Variants in MAN1A1 observed in about 807,000 individuals in gnomAD.
MAN1A1 encodes mannosyl-oligosaccharide 1,2-alpha-mannosidase IA.
MAN1A1 carries 29 observed loss-of-function variants against 70.8 expected under a neutral mutation model. The observed-to-expected ratio is 0.41, with a 90% CI of 0.31 to 0.56. The LOEUF is 0.56. MAN1A1 is among the 20% of genes least tolerant of loss of function. The pLI is 0.29. For synonymous variants in MAN1A1, 349 were observed against 330.1 expected (o/e 1.06, Z -0.62); for missense variants, 747 against 841.3 (o/e 0.89, Z 1.39).
intron 6 of MAN1A1, among the ~76,000 whole-genome samples, chr6:119,213,756 T>G (rs904845834): frequency 3.3e-5 from 5 of 152,200 alleles, no homozygotes; most frequent in African/African-American, 1.2e-4. Flanking sequence ...GCATTTGTAA[T>G]AAGGCAGCGA....
intron 2 of MAN1A1, among the ~76,000 whole-genome samples, chr6:119,334,399 G>C (rs1219347392): frequency 6.6e-6 from 1 of 152,156 alleles, no homozygotes; most frequent in East Asian, 1.9e-4. Context: ...TTATATCATA[G>C]ATTAAAAGCT....
Position 119,323,496 on chromosome 6 carries a change from A to G in MAN1A1, c.604-16504T>C, listed in dbSNP as rs553298684. Reference sequence around the variant, plus strand: ...ATTTTTAGCACTTAGTTGATGCCCAACATATCAGTGTTCTGCTTAATCTTA... The same window carrying G: ...ATTTTTAGCACTTAGTTGATGCCCAGCATATCAGTGTTCTGCTTAATCTTA... On this transcript the variant is annotated intron_variant, in intron 2 of 12. Transcript: ENST00000368468. 3.3e-5 allele frequency among the ~76,000 whole-genome samples: 5 copies of G among 152,180 alleles called. No homozygotes were observed. The South Asian group carries it at 1.0e-3, about 32-fold the overall frequency.
At chr6:119,296,296 G>C (rs977806987) in intron 4 of MAN1A1, among the ~76,000 whole-genome samples, 1 of 152,086 alleles carries the variant, frequency 6.6e-6, no homozygotes, top group African/African-American at 2.4e-5. Context: ...TACCATGCAG[G>C]TCCAGAGGCT....
chr6:119,197,859 T>A (rs938704108), intron 8 of MAN1A1, among the ~76,000 whole-genome samples: 2 of 152,130 alleles, frequency 1.3e-5, no homozygotes, highest in Admixed American at 6.5e-5. Context: ...AAGGGCTCTT[T>A]GTACTAGGAA....
At chr6:119,282,152 T>C (rs945112254) in intron 5 of MAN1A1, among the ~76,000 whole-genome samples, 1 of 152,154 alleles carries the variant, frequency 6.6e-6, no homozygotes, top group African/African-American at 2.4e-5. Context: ...CACTTGGCAA[T>C]GAGATCAAGG....
chr6:119,326,395 C>T (rs1413903175), intron 2 of MAN1A1, among the ~76,000 whole-genome samples: 1 of 152,204 alleles, frequency 6.6e-6, no homozygotes, highest in African/African-American at 2.4e-5. Flanking sequence ...CTTTTACAGA[C>T]AATAGTGGTC....
At chr6:119,232,956 G>T (rs775121538) in intron 6 of MAN1A1, among the ~76,000 whole-genome samples, 1 of 151,918 alleles carries the variant, frequency 6.6e-6, no homozygotes, top group Admixed American at 6.6e-5. Flanking sequence ...AATTCTTAAG[G>T]ATTATTCTAT....
rs1773348143 is a variant in MAN1A1, at chr6:119,188,339, TGG to T, written c.1719+64_1719+65del. The T allele has an allele frequency of 3.6e-6, 5 of 1,401,002 alleles. No homozygotes were observed. The Admixed American group carries it at 9.1e-5, about 25-fold the overall frequency. 86.8% of individuals were successfully genotyped at this position (1,401,002 alleles called of 1,614,324 possible). A position where few individuals can be genotyped will look rare whatever the true frequency, so the allele number is the denominator to read the frequency against. On this transcript the variant is annotated intron_variant, in intron 11 of 12. Coordinates refer to ENST00000368468, the MANE Select transcript of MAN1A1 (RefSeq NM_005907.4). Reference sequence around the variant, plus strand: ...TAGAAAAGTTGATAAGCCTGATTTATGGGTATCACTGAACATTTTTTACTATG... The same window carrying T: ...TAGAAAAGTTGATAAGCCTGATTTATGTATCACTGAACATTTTTTACTATG...
intron 2 of MAN1A1, among the ~76,000 whole-genome samples, chr6:119,318,485 C>T (rs1172629967): frequency 1.3e-5 from 2 of 152,162 alleles, no homozygotes; most frequent in East Asian, 1.9e-4. Flanking sequence ...GGAAACTTGG[C>T]TTCCAAATAA....
At chr6:119,343,305 G>A (rs774919244) in intron 2 of MAN1A1, among the ~76,000 whole-genome samples, 1 of 152,078 alleles carries the variant, frequency 6.6e-6, no homozygotes. Context: ...GAGACAATGC[G>A]CAACACTCAC....
Position 119,308,523 on chromosome 6 carries a change from G to C in MAN1A1, c.604-1531C>G, listed in dbSNP as rs1189294243. Among the ~76,000 whole-genome samples the C allele has an allele frequency of 2.0e-5, 3 of 152,134 alleles. No homozygotes were observed. In the East Asian group the frequency reaches 5.8e-4, roughly 29 times the overall value. On this transcript the variant is annotated intron_variant, in intron 2 of 12. Transcript: ENST00000368468. ...TTTTGTGACTCTTATCTGAAAATTTGGGATAATTCCTTACAGGATGCATGT... is the reference window on the plus strand; with the variant it reads ...TTTTGTGACTCTTATCTGAAAATTTCGGATAATTCCTTACAGGATGCATGT...
At chr6:119,243,955 A>G (rs557089796) in intron 6 of MAN1A1, among the ~76,000 whole-genome samples, 1 of 152,190 alleles carries the variant, frequency 6.6e-6, no homozygotes, top group East Asian at 1.9e-4. Flanking sequence ...CGTCAGAAAA[A>G]TCCATACAGA....
chr6:119,235,242 GT>G (rs1774809613), intron 6 of MAN1A1, among the ~76,000 whole-genome samples: 1 of 152,176 alleles, frequency 6.6e-6, no homozygotes, highest in South Asian at 2.1e-4. Flanking sequence ...AAATGATTAA[GT>G]TTAGTGAGGA....
chr6:119,220,510 TC>T (rs1774330988), intron 6 of MAN1A1, among the ~76,000 whole-genome samples: 2 of 152,164 alleles, frequency 1.3e-5, no homozygotes, highest in Admixed American at 1.3e-4. Flanking sequence ...TTATTGGTAA[TC>T]CACATTAAAA....
At chr6:119,209,091 A>C (rs79107330) in intron 6 of MAN1A1, among the ~76,000 whole-genome samples, 2,690 of 13,174 alleles carry the variant, frequency 0.2, 66 homozygotes, top group African/African-American at 0.32. Flanking sequence ...ACCCCGTCTC[A>C]AAAAAAAAAA....
At chr6:119,309,600 G>A (rs920746860) in intron 2 of MAN1A1, among the ~76,000 whole-genome samples, 8 of 152,034 alleles carry the variant, frequency 5.3e-5, no homozygotes, top group African/African-American at 1.9e-4. Context: ...GACATTCCAC[G>A]TAGAAGTAAA....
intron 5 of MAN1A1, among the ~76,000 whole-genome samples, chr6:119,286,013 T>C (rs1156890084): frequency 6.6e-6 from 1 of 152,200 alleles, no homozygotes; most frequent in Admixed American, 6.5e-5. Flanking sequence ...ATTTACAAAC[T>C]GGCAGAATAC....
intron 6 of MAN1A1, among the ~76,000 whole-genome samples, chr6:119,245,854 T>C (rs183996943): frequency 6.6e-6 from 1 of 152,254 alleles, no homozygotes. Flanking sequence ...TCTCTGAAAT[T>C]AAATAAATTC....
intron 5 of MAN1A1, among the ~76,000 whole-genome samples, chr6:119,263,721 G>A (rs1775675225): frequency 6.6e-6 from 1 of 151,588 alleles, no homozygotes; most frequent in South Asian, 2.1e-4. Flanking sequence ...ATATAATACA[G>A]GAAAAAACAA....
Sources: allele counts gnomAD v4.1 joint callset (sites outside exome capture counted in the v4.1 genomes callset), GRCh38; gene constraint gnomAD v4.1.1; transcripts MANE v1.5; gene names NCBI Gene and HGNC (gene_info 2026-07-23, HGNC 2026-07-21).